RAD51: variants seen among roughly 807,000 people sequenced by gnomAD.
RAD51 encodes RAD51 recombinase, also known as DNA repair protein RAD51 homolog 1.
Under a neutral mutation model 41.5 loss-of-function variants are expected in RAD51, and 14 were observed. The ratio of observed to expected loss-of-function variants is 0.34; its 90% CI spans 0.22 to 0.53. RAD51 has a LOEUF of 0.53. Ranked by LOEUF, RAD51 falls within the 20% of genes least tolerant of loss-of-function variation. The pLI, the probability that RAD51 is intolerant of heterozygous loss-of-function variation, is 0.95. For synonymous variants in RAD51, 136 were observed against 148.6 expected (o/e 0.92, Z 0.62); for missense variants, 234 against 422.0 (o/e 0.55, Z 3.90).
intron 6 of RAD51, among the ~76,000 whole-genome samples, chr15:40,719,815 G>T (rs1896181030): frequency 1.4e-5 from 2 of 142,370 alleles, no homozygotes; most frequent in South Asian, 4.9e-4. Flanking sequence ...CTGGGCGACA[G>T]AGCAAGAATC....
intron 2 of RAD51, 48 bp from the exon 3 acceptor site, chr15:40,701,011 GTTAGA>G: frequency 1.2e-6 from 2 of 1,610,628 alleles, no homozygotes; most frequent in Non-Finnish European, 8.5e-7. Context: ...TAACATCTGT[GTTAGA>G]TTAGAGAACT....
intron 5 of RAD51, 63 bp downstream of exon 5, chr15:40,709,179 A>G (rs1895536487): frequency 7.1e-7 from 1 of 1,400,984 alleles, no homozygotes; most frequent in Non-Finnish European, 1.0e-6. Context: ...GCTATTTGCA[A>G]GCATCTGTTA....
intron 7 of RAD51, among the ~76,000 whole-genome samples, 161 bp downstream of exon 7, chr15:40,728,985 CTA>C (rs1228481064): frequency 6.6e-6 from 1 of 152,184 alleles, no homozygotes; most frequent in Non-Finnish European, 1.5e-5. Context: ...GGTCAAGTCA[CTA>C]TTAAAAATGA....
At chr15:40,726,450 C>T (rs982124518) in intron 6 of RAD51, among the ~76,000 whole-genome samples, 2 of 151,698 alleles carry the variant, frequency 1.3e-5, no homozygotes, top group African/African-American at 4.8e-5. Context: ...GATGGGTTTT[C>T]GCCTTGTTGG....
chr15:40,713,951 C>T (rs902432050), intron 5 of RAD51, among the ~76,000 whole-genome samples: 3 of 149,840 alleles, frequency 2.0e-5, no homozygotes, highest in African/African-American at 2.5e-5. Context: ...ATGTCAGTAT[C>T]GAGTAGACCT....
rs1896895031 is a variant in RAD51 at position 40,731,938 on chromosome 15, G to A, written c.*760G>A. 1 of 208,612 alleles carries A rather than the reference G, an allele frequency of 4.8e-6. No individual in the cohort carries two copies. Among genetic ancestry groups the A allele is most frequent in the Non-Finnish European group, 9.7e-6 (1 of 102,610 alleles). 12.9% of individuals were successfully genotyped at this position (208,612 alleles called of 1,614,324 possible). A position where few individuals can be genotyped will look rare whatever the true frequency, so the allele number is the denominator to read the frequency against. Reference sequence around the variant, plus strand: ...CTACAAAAAATGCAGAACTTAATCTGGACACACTGTTACACGTGCCTGTAG... The same window carrying A: ...CTACAAAAAATGCAGAACTTAATCTAGACACACTGTTACACGTGCCTGTAG... On this transcript the variant is annotated 3_prime_UTR_variant, in exon 10 of 10. Coordinates refer to ENST00000267868, the MANE Select transcript of RAD51 (RefSeq NM_002875.5).
intron 1 of RAD51, among the ~76,000 whole-genome samples, chr15:40,697,149 G>A (rs151091513): frequency 1.3e-5 from 2 of 152,236 alleles, no homozygotes; most frequent in African/African-American, 4.8e-5. Flanking sequence ...TGCCCAGGCT[G>A]GAGTGCAATG....
chr15:40,700,956 T>G, intron 2 of RAD51, 108 bp from the exon 3 acceptor site: 1 of 1,274,160 alleles, frequency 7.8e-7, no homozygotes, highest in Non-Finnish European at 1.1e-6. Context: ...AAGGGACAGT[T>G]GTATTACAAG....
Position 40,695,222 on chromosome 15 carries a change from C to G in RAD51, c.-206C>G, listed in dbSNP as rs1457577446. Reference sequence around the variant, plus strand: ...CGCGCGCAGCGGCCAGAGACCGAGCCCTAAGGAGAGTGCGGCGCTTCCCGA... The same window carrying G: ...CGCGCGCAGCGGCCAGAGACCGAGCGCTAAGGAGAGTGCGGCGCTTCCCGA... On this transcript the variant is annotated 5_prime_UTR_variant, in exon 1 of 10. Coordinates refer to ENST00000267868, the MANE Select transcript of RAD51 (RefSeq NM_002875.5). 1 of 152,216 alleles carries G rather than the reference C, an allele frequency of 6.6e-6. No homozygotes were observed. Among genetic ancestry groups the G allele is most frequent in the African/African-American group, 2.4e-5 (1 of 41,380 alleles). The allele number at this position is 152,216 out of a possible 1,614,324, so 9.4% of individuals were successfully genotyped here. A position where few individuals can be genotyped will look rare whatever the true frequency, so the allele number is the denominator to read the frequency against.
At chr15:40,718,323 G>A (rs149938494) in intron 5 of RAD51, among the ~76,000 whole-genome samples, 1 of 152,290 alleles carries the variant, frequency 6.6e-6, no homozygotes, top group East Asian at 1.9e-4. Flanking sequence ...TTCAAGACCA[G>A]CCTAGCCAAC....
intron 5 of RAD51, among the ~76,000 whole-genome samples, chr15:40,714,271 G>A (rs1211168299): frequency 6.6e-6 from 1 of 152,180 alleles, no homozygotes; most frequent in Non-Finnish European, 1.5e-5. Flanking sequence ...AGCTCCATTA[G>A]AAATTTGATA....
At position 40,719,757 on chromosome 15, in the gene RAD51, G is replaced by A. The variant is rs570549028; in HGVS notation, c.530+858G>A. 1.1e-3 allele frequency among the ~76,000 whole-genome samples: 163 copies of A among 152,128 alleles called. 1 individual carries two copies. The highest frequency in any genetic ancestry group is 1.8e-3 in the Non-Finnish European group (121 of 67,994). ...TGAGGCAGGAGAATGGCCTGAACCC[G>A]GGAGGCGGAGCTTGCAGTGAGCCGA... On this transcript the variant is annotated intron_variant, in intron 6 of 9. Transcript: ENST00000267868.
chr15:40,724,889 A>ATTTTTTTTTTTTTTTTTTTTTTTTTTT (rs34086110), intron 6 of RAD51, among the ~76,000 whole-genome samples: 1 of 55,410 alleles, frequency 1.8e-5, no homozygotes, highest in Non-Finnish European at 3.2e-5. Flanking sequence ...ATTTTTTTTA[A>ATTTTTTTTTTTTTTTTTTTTTTTTTTT]TTTTTTTTTT....
intron 1 of RAD51, chr15:40,695,868 T>G (rs1894592706): frequency 6.6e-6 from 1 of 152,202 alleles, no homozygotes; most frequent in Non-Finnish European, 1.5e-5. Flanking sequence ...GAAGTGAGGT[T>G]TGGTTTTCTT....
At chr15:40,695,954 A>C (rs1453988055) in intron 1 of RAD51, 1 of 152,194 alleles carries the variant, frequency 6.6e-6, no homozygotes, top group Non-Finnish European at 1.5e-5. Context: ...GGCTCACTGC[A>C]ACCTCCGCCT....
chr15:40,703,920 T>C (rs1233091598), intron 3 of RAD51, among the ~76,000 whole-genome samples: 1 of 152,058 alleles, frequency 6.6e-6, no homozygotes, highest in Non-Finnish European at 1.5e-5. Flanking sequence ...TTTTTATTTT[T>C]AGAGGCAGAG....
Position 40,729,448 on chromosome 15 carries a change from G to A in RAD51, c.645-57G>A, listed in dbSNP as rs1896759623. 5 of 1,589,720 alleles carry A rather than the reference G, an allele frequency of 3.1e-6. No homozygotes were observed. In the Admixed American group the frequency reaches 5.0e-5, roughly 16 times the overall value. ...ATGAGATTTTAGGGTGGTAAGGAAG[G>A]GACCAGAATCTGACACAGGCTAGAA... is the stretch of plus-strand genomic sequence containing the variant. On this transcript the variant is annotated intron_variant, in intron 7 of 9. Transcript: ENST00000267868.
intron 3 of RAD51, among the ~76,000 whole-genome samples, 176 bp downstream of exon 3, chr15:40,701,377 T>TTTC (rs1894981318): frequency 4.7e-5 from 1 of 21,442 alleles, no homozygotes; most frequent in South Asian, 4.0e-3. Context: ...TTTTTCTTTC[T>TTTC]TTTTTTTTTT....
Position 40,731,654 on chromosome 15 carries a change from G to T in RAD51, c.*476G>T. The stretch of plus-strand genomic sequence containing the variant: ...AAACTCTCAAGCAGGTTTTTAAGTT[G>T]TCTGTCTGAATGATCTTGTGTAAGG... On this transcript the variant is annotated 3_prime_UTR_variant, in exon 10 of 10. Coordinates refer to ENST00000267868, the MANE Select transcript of RAD51 (RefSeq NM_002875.5). The T allele has an allele frequency of 4.1e-6, 1 of 246,474 alleles. No individual in the cohort carries two copies. Among genetic ancestry groups the T allele is most frequent in the Non-Finnish European group, 8.0e-6 (1 of 124,470 alleles). The allele number at this position is 246,474 out of a possible 1,614,324, so 15.3% of individuals were successfully genotyped here. A position where few individuals can be genotyped will look rare whatever the true frequency, so the allele number is the denominator to read the frequency against.
Sources: allele counts gnomAD v4.1 joint callset (sites outside exome capture counted in the v4.1 genomes callset), GRCh38; gene constraint gnomAD v4.1.1; transcripts MANE v1.5; gene names NCBI Gene and HGNC (gene_info 2026-07-23, HGNC 2026-07-21).